Variants in OLFM3 observed in about 807,000 individuals in gnomAD.
OLFM3 encodes the protein olfactomedin 3, also known as noelin-3.
In OLFM3, 20 loss-of-function variants were observed where a neutral mutation model predicts 48.6. The observed-to-expected ratio is 0.41, with a 90% CI of 0.29 to 0.60. The LOEUF is 0.60. OLFM3 is among the 20% of genes least tolerant of loss of function. OLFM3 has a pLI of 0.28. For missense variants in OLFM3, 437 were observed against 544.3 expected, an observed-to-expected ratio of 0.80 and a Z score of 1.96; for synonymous variants, 222 against 198.1, an observed-to-expected ratio of 1.12 and a Z score of -1.01.
intron 1 of OLFM3, among the ~76,000 whole-genome samples, chr1:101,914,928 T>A (rs1487149847): frequency 6.6e-6 from 1 of 152,220 alleles, no homozygotes; most frequent in Non-Finnish European, 1.5e-5. Context: ...AATGTTTGCA[T>A]TATTCATCAC....
chr1:101,989,726 CT>C (rs966057195), intron 1 of OLFM3, among the ~76,000 whole-genome samples: 3 of 120,860 alleles, frequency 2.5e-5, no homozygotes, highest in African/African-American at 8.5e-5. Context: ...GGGTCAAGGT[CT>C]TTTGAAAAAC....
chr1:101,990,519 G>A (rs901921362), intron 1 of OLFM3, among the ~76,000 whole-genome samples: 3 of 151,992 alleles, frequency 2.0e-5, no homozygotes, highest in African/African-American at 7.2e-5. Flanking sequence ...TTATTTCATT[G>A]TTATGAAAAC....
chr1:101,881,006 A>G (rs1330512118), intron 1 of OLFM3, among the ~76,000 whole-genome samples: 1 of 151,882 alleles, frequency 6.6e-6, no homozygotes, highest in Non-Finnish European at 1.5e-5. Context: ...AAAATAAAAT[A>G]TGCAAGTCTT....
intron 1 of OLFM3, among the ~76,000 whole-genome samples, chr1:101,842,448 G>A (rs530385169): frequency 8.7e-4 from 132 of 152,254 alleles, no homozygotes; most frequent in Non-Finnish European, 1.4e-3. Flanking sequence ...GGGGGCCGCT[G>A]AAGTGGGAAG....
At chr1:101,807,445 A>G (rs916367566) in intron 4 of OLFM3, among the ~76,000 whole-genome samples, 1 of 151,736 alleles carries the variant, frequency 6.6e-6, no homozygotes, top group Non-Finnish European at 1.5e-5. Flanking sequence ...ATCAATTTCT[A>G]TTAGTTCCTG....
At chr1:101,971,115 G>A (rs1399402324) in intron 1 of OLFM3, among the ~76,000 whole-genome samples, 2 of 152,144 alleles carry the variant, frequency 1.3e-5, no homozygotes, top group African/African-American at 4.8e-5. Flanking sequence ...GAAAGATTAC[G>A]CTCACAGCAG....
chr1:101,918,771 G>A (rs1659005325), intron 1 of OLFM3, among the ~76,000 whole-genome samples: 1 of 151,954 alleles, frequency 6.6e-6, no homozygotes, highest in Admixed American at 6.6e-5. Flanking sequence ...TATCACACTT[G>A]TCTAAACTAT....
chr1:101,828,974 G>A (rs943611203), intron 3 of OLFM3, among the ~76,000 whole-genome samples: 4 of 152,146 alleles, frequency 2.6e-5, no homozygotes, highest in African/African-American at 7.2e-5. Flanking sequence ...TCACTAGTAC[G>A]AAACCAGCTC....
chr1:101,951,500 TGG>T (rs1204456936), intron 1 of OLFM3, among the ~76,000 whole-genome samples: 28 of 152,184 alleles, frequency 1.8e-4, no homozygotes, highest in African/African-American at 6.8e-4. Flanking sequence ...GATCAGATGT[TGG>T]CAGGGGTTCC....
At chr1:101,893,351 G>C (rs182469635) in intron 1 of OLFM3, 2 of 384,884 alleles carry the variant, frequency 5.2e-6, no homozygotes, top group African/African-American at 2.1e-5. Context: ...GCAAATTCAA[G>C]CTGTGTGCAT....
chr1:101,830,309 T>C (rs1414668333), intron 3 of OLFM3, among the ~76,000 whole-genome samples: 1 of 152,224 alleles, frequency 6.6e-6, no homozygotes, highest in Non-Finnish European at 1.5e-5. Context: ...CACATGCTCA[T>C]ATTAATGGCA....
intron 1 of OLFM3, among the ~76,000 whole-genome samples, chr1:101,966,350 T>TGTGTGTGTGTGTGTGTGTGTGC (rs542204512): frequency 1.0e-5 from 1 of 99,850 alleles, no homozygotes; most frequent in African/African-American, 3.9e-5. Flanking sequence ...TGTGTGTGTG[T>TGTGTGTGTGTGTGTGTGTGTGC]GCGCTACAGA....
At position 101,868,033 on chromosome 1, in the gene OLFM3, G is replaced by T. The variant is rs533653075; in HGVS notation, c.70-31008C>A. Among the ~76,000 whole-genome samples the T allele has an allele frequency of 1.2e-4, 18 of 152,232 alleles. No individual in the cohort carries two copies. The South Asian group carries it at 2.9e-3, about 25-fold the overall frequency. On this transcript the variant is annotated intron_variant, in intron 1 of 5. Transcript: ENST00000370103. ...ATGTGTTTGCTTCCCCTTCCACCAC[G>T]ACTGTAAGTTTCCTGAGGCCTCCCC...
At chr1:101,983,122 T>C (rs1661146149) in intron 1 of OLFM3, among the ~76,000 whole-genome samples, 1 of 152,196 alleles carries the variant, frequency 6.6e-6, no homozygotes. Context: ...CACCAGTGGC[T>C]CTCTTTCTTT....
intron 1 of OLFM3, among the ~76,000 whole-genome samples, chr1:101,930,746 T>C (rs1008886915): frequency 4.6e-5 from 7 of 152,208 alleles, no homozygotes; most frequent in African/African-American, 1.7e-4. Context: ...GCTGCCGTTA[T>C]GATCTTTCCT....
chr1:101,899,362 A>G (rs559393872), intron 1 of OLFM3, among the ~76,000 whole-genome samples: 3 of 152,294 alleles, frequency 2.0e-5, no homozygotes, highest in African/African-American at 7.2e-5. Flanking sequence ...GGCAAACAAA[A>G]GGGAGAATAA....
intron 1 of OLFM3, among the ~76,000 whole-genome samples, chr1:101,866,017 A>C (rs563326189): frequency 6.6e-6 from 1 of 152,346 alleles, no homozygotes; most frequent in African/African-American, 2.4e-5. Flanking sequence ...CATACAGAAG[A>C]GAAAACAGCA....
At chr1:101,895,563 C>G (rs1310006894) in intron 1 of OLFM3, among the ~76,000 whole-genome samples, 2 of 152,042 alleles carry the variant, frequency 1.3e-5, no homozygotes, top group African/African-American at 4.8e-5. Flanking sequence ...ATTTCCTTTT[C>G]TACTGTTGAA....
chr1:101,832,142 ACCT>A (rs1307738386), intron 2 of OLFM3, among the ~76,000 whole-genome samples: 5 of 151,890 alleles, frequency 3.3e-5, no homozygotes, highest in Non-Finnish European at 5.9e-5. Context: ...ACCCACCTTG[ACCT>A]CCCAAAGTGC....
Sources: gnomAD v4.1 joint callset for allele counts (sites outside exome capture counted in the v4.1 genomes callset) on GRCh38, gnomAD v4.1.1 for gene constraint, MANE v1.5 for transcripts, NCBI Gene and HGNC (gene_info 2026-07-23, HGNC 2026-07-21) for gene names.